The following SNTG2 variants were observed in gnomAD, a reference collection of about 807,000 sequenced individuals.
SNTG2 encodes the protein syntrophin gamma 2, also known as gamma-2-syntrophin.
SNTG2 carries 74 observed loss-of-function variants against 70.9 expected under a neutral mutation model. That is an observed-to-expected ratio of 1.04 (90% confidence interval 0.86 to 1.27). The LOEUF is 1.27. Among genes scored for constraint, SNTG2 ranks in the 50% most tolerant of loss-of-function variants. The probability of loss-of-function intolerance (pLI) is 0.00; values close to 1 mark genes in which losing one functional copy is unlikely to be tolerated. For synonymous variants in SNTG2, 278 were observed against 273.8 expected (o/e 1.02, Z -0.15); for missense variants, 717 against 690.7 (o/e 1.04, Z -0.43).
At chr2:1,228,534 C>T (rs1353580459) in intron 9 of SNTG2, among the ~76,000 whole-genome samples, 3 of 152,212 alleles carry the variant, frequency 2.0e-5, no homozygotes, top group Non-Finnish European at 2.9e-5. Context: ...CATTTTCTCA[C>T]GTTACTTAGA....
At chr2:1,061,266 G>A (rs888216079) in intron 1 of SNTG2, among the ~76,000 whole-genome samples, 2 of 152,214 alleles carry the variant, frequency 1.3e-5, no homozygotes, top group African/African-American at 2.4e-5. Flanking sequence ...GGACGCTGGG[G>A]TGGAAAGAAT....
Position 1,101,561 on chromosome 2 carries a change from TG to T in SNTG2, c.325+3152del, listed in dbSNP as rs551651782. 2.8e-3 allele frequency among the ~76,000 whole-genome samples: 419 copies of T among 152,298 alleles called. 2 individuals are homozygous for T. The highest frequency in any genetic ancestry group is 9.9e-3 in the African/African-American group (412 of 41,572). ...AGCAGAGCCCCTGGGTTGTCCTGAA[TG>T]TCTTGTGTTAAACTGACACAGGAGT... On this transcript the variant is annotated intron_variant, in intron 4 of 16. Coordinates refer to ENST00000308624, the MANE Select transcript of SNTG2 (RefSeq NM_018968.4).
chr2:999,330 A>C (rs901584611), intron 1 of SNTG2, among the ~76,000 whole-genome samples: 1 of 152,072 alleles, frequency 6.6e-6, no homozygotes, highest in Non-Finnish European at 1.5e-5. Flanking sequence ...GTTTCACTTA[A>C]ATGATGCAGA....
At chr2:1,265,845 G>A (rs1678699784) in intron 13 of SNTG2, among the ~76,000 whole-genome samples, 1 of 152,232 alleles carries the variant, frequency 6.6e-6, no homozygotes. Flanking sequence ...AGGGCTGTGG[G>A]TGAACACCAC....
intron 12 of SNTG2, 101 bp from the exon 13 acceptor site, chr2:1,259,269 A>G: frequency 2.1e-6 from 2 of 964,704 alleles, no homozygotes; most frequent in Admixed American, 4.1e-5. Flanking sequence ...TTAGGATTTA[A>G]TTGAGGTGGA....
At chr2:1,154,211 C>T (rs1669704529) in intron 6 of SNTG2, among the ~76,000 whole-genome samples, 1 of 151,892 alleles carries the variant, frequency 6.6e-6, no homozygotes, top group African/African-American at 2.4e-5. Flanking sequence ...GGCCCAGCCC[C>T]ATGGAGGCTG....
In SNTG2 at chr2:1,097,198, G is replaced by T. The variant is rs9973395; in HGVS notation, c.211-998G>T. Among the ~76,000 whole-genome samples, 56,863 of 151,982 alleles carry T rather than the reference G, an allele frequency of 0.37. 11,067 individuals carry two copies. Among genetic ancestry groups the T allele is most frequent in the East Asian group, 0.54 (2,751 of 5,138 alleles). ...TCCCCCTAAGAAGGACATTCCTGGG[G>T]TATCTCAGGCTGCGGAAGCCCTCAC... On this transcript the variant is annotated intron_variant, in intron 2 of 16. Transcript: ENST00000308624. The surrounding 1 kb of genome is among the most constrained non-coding windows in gnomAD (Gnocchi z 4.1).
intron 6 of SNTG2, among the ~76,000 whole-genome samples, chr2:1,148,623 G>A (rs66482072): frequency 0.98 from 149,706 of 152,256 alleles, 73,649 homozygotes; most frequent in East Asian, 1. Context: ...TCCCGGGGCG[G>A]GATGCACCTG....
At chr2:998,414 T>G (rs1447125792) in intron 1 of SNTG2, among the ~76,000 whole-genome samples, 1 of 151,674 alleles carries the variant, frequency 6.6e-6, no homozygotes, top group East Asian at 1.9e-4. Context: ...AAAATCAAAT[T>G]AGGACATGAA....
intron 6 of SNTG2, among the ~76,000 whole-genome samples, chr2:1,138,151 G>A (rs1668514366): frequency 6.6e-6 from 1 of 152,224 alleles, no homozygotes; most frequent in Admixed American, 6.5e-5. Flanking sequence ...CACAGGAGGT[G>A]TCAGGGCTTC....
intron 14 of SNTG2, among the ~76,000 whole-genome samples, chr2:1,302,153 G>A (rs1250500793): frequency 6.6e-6 from 1 of 151,980 alleles, no homozygotes; most frequent in Non-Finnish European, 1.5e-5. Context: ...TAGAGACAGG[G>A]TTTCATCATG....
intron 16 of SNTG2, 47 bp downstream of exon 16, chr2:1,316,422 A>C (rs1681281849): frequency 1.0e-6 from 1 of 986,980 alleles, no homozygotes; most frequent in Non-Finnish European, 1.6e-6. Context: ...CCACACATAA[A>C]GTACAGCTCA....
intron 8 of SNTG2, among the ~76,000 whole-genome samples, chr2:1,191,570 C>T (rs550312987): frequency 7.6e-4 from 115 of 152,142 alleles, no homozygotes; most frequent in Non-Finnish European, 1.0e-3. Context: ...CTGAGGTGAA[C>T]GGATCATGAG....
At chr2:1,113,436 C>G (rs184118314) in intron 4 of SNTG2, among the ~76,000 whole-genome samples, 6 of 152,098 alleles carry the variant, frequency 3.9e-5, no homozygotes, top group Non-Finnish European at 8.8e-5. Context: ...ACCATGTGTA[C>G]TAAGTGAGGT....
intron 8 of SNTG2, among the ~76,000 whole-genome samples, chr2:1,187,033 G>T (rs538353199): frequency 9.9e-5 from 15 of 152,220 alleles, no homozygotes; most frequent in Non-Finnish European, 1.9e-4. Flanking sequence ...GGGCTGCAGA[G>T]ACAGACCGAA....
intron 7 of SNTG2, among the ~76,000 whole-genome samples, chr2:1,167,798 A>G (rs1670833579): frequency 7.5e-6 from 1 of 133,722 alleles, no homozygotes; most frequent in Non-Finnish European, 1.6e-5. Flanking sequence ...CAGGCCGCCC[A>G]CAGACGGCAG....
Position 1,282,633 on chromosome 2 carries a change from C to G in SNTG2, c.1284+15062C>G, listed in dbSNP as rs528733386. Among the ~76,000 whole-genome samples the G allele has an allele frequency of 2.0e-5, 3 of 152,166 alleles. No individual in the cohort carries two copies. In the East Asian group the frequency reaches 5.8e-4, roughly 30 times the overall value. On this transcript the variant is annotated intron_variant, in intron 14 of 16. Coordinates refer to ENST00000308624, the MANE Select transcript of SNTG2 (RefSeq NM_018968.4). The stretch of plus-strand genomic sequence containing the variant: ...ATCACTCACAATAACGCCGCCTCCC[C>G]CGCACAGCGCGTCCCTCCGGGAACT...
intron 14 of SNTG2, among the ~76,000 whole-genome samples, chr2:1,297,930 C>T (rs188356819): frequency 1.6e-3 from 247 of 152,152 alleles, no homozygotes; most frequent in African/African-American, 5.8e-3. Context: ...GAGCAGGGCG[C>T]GTGTTGGTCT....
intron 8 of SNTG2, among the ~76,000 whole-genome samples, chr2:1,173,928 A>G (rs1046454682): frequency 6.6e-6 from 1 of 152,286 alleles, no homozygotes; most frequent in Non-Finnish European, 1.5e-5. Flanking sequence ...GTTTGAAAAA[A>G]TGTTTTATTA....
Sources: gnomAD v4.1 joint callset for allele counts (sites outside exome capture counted in the v4.1 genomes callset) on GRCh38, gnomAD v4.1.1 for gene constraint, Gnocchi (gnomAD v3.1) non-coding constraint, MANE v1.5 for transcripts, NCBI Gene and HGNC (gene_info 2026-07-23, HGNC 2026-07-21) for gene names.